Variants in FRMD4A observed in about 807,000 individuals in gnomAD.
FRMD4A encodes the protein FERM domain containing 4A.
In FRMD4A, 29 loss-of-function variants were observed where a neutral mutation model predicts 129.1. The observed-to-expected ratio is 0.22, with a 90% CI of 0.17 to 0.31. FRMD4A has a LOEUF of 0.31. Ranked by LOEUF, FRMD4A falls within the 10% of genes least tolerant of loss-of-function variation. FRMD4A has a pLI of 1.00. For synonymous variants in FRMD4A, 634 were observed against 571.6 expected (o/e 1.11, Z -1.56); for missense variants, 1,272 against 1,375.8 (o/e 0.92, Z 1.19).
At position 14,078,679 on chromosome 10, in the gene FRMD4A, T is replaced by C. The variant is rs549094850; in HGVS notation, c.46-219767A>G. ...GTCATGGTGGGGGGTATGACCATTA[T>C]AGGATGGATGAAAAAAACGAAGCTT... On this transcript the variant is annotated intron_variant, in intron 2 of 24. Coordinates refer to ENST00000357447, the MANE Select transcript of FRMD4A (RefSeq NM_018027.5). 5.9e-5 allele frequency among the ~76,000 whole-genome samples: 9 copies of C among 152,330 alleles called. No individual in the cohort carries two copies. In the South Asian group the frequency reaches 1.5e-3, roughly 25 times the overall value.
In FRMD4A at chr10:13,656,645, C is replaced by T; in HGVS notation, c.2944G>A (p.Ala982Thr). ...RVTRMPQMCK[A>T]TSAALPQSQR... ...GGCCGCCCCCTCTCACCTGACGTGGCCTTGCACATCTGGGGCATCCTGGTG... is the reference window on the plus strand; with the variant it reads ...GGCCGCCCCCTCTCACCTGACGTGGTCTTGCACATCTGGGGCATCCTGGTG... The change falls in exon 22 of 25, where the codon GCC becomes ACC. Residue 982 changes from alanine (A) to threonine (T), a missense_variant. Transcript: ENST00000357447. 9 of 1,454,070 alleles carry T rather than the reference C, an allele frequency of 6.2e-6. No individual in the cohort carries two copies. The highest frequency in any genetic ancestry group is 8.2e-6 in the Non-Finnish European group (9 of 1,094,456). 90.1% of individuals were successfully genotyped at this position (1,454,070 alleles called of 1,614,324 possible). A position where few individuals can be genotyped will look rare whatever the true frequency, so the allele number is the denominator to read the frequency against.
chr10:13,663,100 G>C (rs940976540), intron 19 of FRMD4A, among the ~76,000 whole-genome samples: 1 of 151,076 alleles, frequency 6.6e-6, no homozygotes, highest in Non-Finnish European at 1.5e-5. Context: ...TGAGGTGGAA[G>C]AATCACTTGA....
chr10:13,778,932 T>A (rs11258599), intron 6 of FRMD4A, among the ~76,000 whole-genome samples: 1 of 152,052 alleles, frequency 6.6e-6, no homozygotes, highest in South Asian at 2.1e-4. Flanking sequence ...ACATTCTGCA[T>A]GTGTATCCCA....
chr10:14,185,556 A>G (rs754095105), intron 2 of FRMD4A, among the ~76,000 whole-genome samples: 26 of 152,184 alleles, frequency 1.7e-4, no homozygotes, highest in Admixed American at 1.2e-3. Flanking sequence ...ATAAAGCAAG[A>G]CTATTTAAAG....
chr10:13,900,551 C>T (rs773157157), intron 2 of FRMD4A, among the ~76,000 whole-genome samples: 2 of 152,160 alleles, frequency 1.3e-5, no homozygotes, highest in Non-Finnish European at 1.5e-5. Flanking sequence ...CAAGTACCTT[C>T]GGCTAGCTCT....
rs181407705 is a variant in FRMD4A, at chr10:13,756,799, A to G, written c.464+4848T>C. Reference sequence around the variant, plus strand: ...TTTCAGTTAAGGTCCCTTATAGACAAAAACCAAAAAATCAAGTTTTTGTAT... The same window carrying G: ...TTTCAGTTAAGGTCCCTTATAGACAGAAACCAAAAAATCAAGTTTTTGTAT... On this transcript the variant is annotated intron_variant, in intron 8 of 24. Coordinates refer to ENST00000357447, the MANE Select transcript of FRMD4A (RefSeq NM_018027.5). Among the ~76,000 whole-genome samples, 100 of 152,338 alleles carry G rather than the reference A, an allele frequency of 6.6e-4. 2 individuals are homozygous for G. Among genetic ancestry groups the G allele is most frequent in the African/African-American group, 2.3e-3 (94 of 41,592 alleles).
chr10:14,008,858 C>G (rs1286656140), intron 2 of FRMD4A, among the ~76,000 whole-genome samples: 1 of 152,018 alleles, frequency 6.6e-6, no homozygotes, highest in African/African-American at 2.4e-5. Flanking sequence ...AATAAACGCA[C>G]GGGTATTACT....
chr10:13,719,388 G>A (rs956828872), intron 12 of FRMD4A, among the ~76,000 whole-genome samples: 1 of 151,988 alleles, frequency 6.6e-6, no homozygotes, highest in Non-Finnish European at 1.5e-5. Context: ...TCCCAACCTA[G>A]AGGTCAGATC....
intron 12 of FRMD4A, among the ~76,000 whole-genome samples, chr10:13,736,115 G>A (rs2090616480): frequency 6.6e-6 from 1 of 152,156 alleles, no homozygotes. Flanking sequence ...GCGTGCCACT[G>A]CACTCCAGCC....
intron 2 of FRMD4A, among the ~76,000 whole-genome samples, chr10:13,922,427 C>A (rs772090743): frequency 6.6e-6 from 1 of 152,068 alleles, no homozygotes; most frequent in Non-Finnish European, 1.5e-5. Context: ...TGTGGTCTAA[C>A]TCTTATTTTA....
At chr10:13,772,225 TAATA>T (rs1425276683) in intron 6 of FRMD4A, among the ~76,000 whole-genome samples, 18 of 147,274 alleles carry the variant, frequency 1.2e-4, no homozygotes, top group Admixed American at 6.1e-4. Flanking sequence ...TATTATTATA[TAATA>T]AATAAATAAA....
chr10:13,884,232 A>ACT (rs2094592111), intron 2 of FRMD4A, among the ~76,000 whole-genome samples: 1 of 122,562 alleles, frequency 8.2e-6, no homozygotes, highest in Non-Finnish European at 1.7e-5. Flanking sequence ...ACACACACAC[A>ACT]CACACACACT....
At chr10:14,102,383 C>T (rs34027620) in intron 2 of FRMD4A, among the ~76,000 whole-genome samples, 2 of 152,158 alleles carry the variant, frequency 1.3e-5, no homozygotes, top group African/African-American at 2.4e-5. Flanking sequence ...AAAAACTAGC[C>T]GGGTGTGGTG....
chr10:13,754,461 C>T (rs768001160), intron 8 of FRMD4A, among the ~76,000 whole-genome samples: 6 of 152,102 alleles, frequency 3.9e-5, no homozygotes, highest in Admixed American at 6.6e-5. Flanking sequence ...AGATTCTGTT[C>T]CTTTCAAAAG....
intron 2 of FRMD4A, among the ~76,000 whole-genome samples, chr10:13,976,021 C>A (rs1030496998): frequency 2.0e-5 from 3 of 152,114 alleles, no homozygotes; most frequent in African/African-American, 7.2e-5. Flanking sequence ...GGGTAATGGA[C>A]GAGGACAGAG....
In FRMD4A at chr10:13,858,851, A is replaced by C; in HGVS notation, c.107T>G (p.Val36Gly). The C allele has an allele frequency of 6.3e-7, 1 of 1,588,124 alleles. No homozygotes were observed. Among genetic ancestry groups the C allele is most frequent in the Non-Finnish European group, 8.6e-7 (1 of 1,156,246 alleles). ...LLDDRKLELL[V>G]QPKLLAKELL... ...AGTTGACCAAAAGCGATTTACCTGT[A>C]CTAGGAGTTCCAGCTTCCTGTCATC... The change falls in exon 3 of 25, where the codon GTA becomes GGA. Residue 36 changes from valine (V) to glycine (G), a missense_variant. Physicochemically the swap from Val to Gly is moderately radical, Grantham distance 109. Coordinates refer to ENST00000357447, the MANE Select transcript of FRMD4A (RefSeq NM_018027.5).
At position 13,969,245 on chromosome 10, in the gene FRMD4A, T is replaced by C. The variant is rs901261311; in HGVS notation, c.46-110333A>G. ...CCTGGCTGCCTTCCAGACCCACCCA[T>C]GGGGATTACCTCCCAGCTGCCTGGG... On this transcript the variant is annotated intron_variant, in intron 2 of 24. Coordinates refer to ENST00000357447, the MANE Select transcript of FRMD4A (RefSeq NM_018027.5). Among the ~76,000 whole-genome samples the C allele has an allele frequency of 3.9e-5, 6 of 152,174 alleles. No homozygotes were observed. The East Asian group carries it at 1.2e-3, about 29-fold the overall frequency.
chr10:13,972,072 G>A (rs1167852754), intron 2 of FRMD4A: 2 of 1,134,192 alleles, frequency 1.8e-6, no homozygotes, highest in Non-Finnish European at 2.2e-6. Context: ...GGACTCACCA[G>A]GGACAAGGTA....
chr10:14,015,343 T>C (rs2095695782), intron 2 of FRMD4A, among the ~76,000 whole-genome samples: 1 of 144,672 alleles, frequency 6.9e-6, no homozygotes, highest in South Asian at 2.4e-4. Flanking sequence ...GCTTCCTCTC[T>C]TTCTTCCCTT....
Sources: gnomAD v4.1 joint callset for allele counts (sites outside exome capture counted in the v4.1 genomes callset) on GRCh38, gnomAD v4.1.1 for gene constraint, MANE v1.5 for transcripts, NCBI Gene and HGNC (gene_info 2026-07-23, HGNC 2026-07-21) for gene names.